The following PLXDC2 variants were observed in gnomAD, a reference collection of about 807,000 sequenced individuals.
PLXDC2 encodes the protein plexin domain-containing protein 2.
In PLXDC2, 40 loss-of-function variants were observed where a neutral mutation model predicts 68.9. The ratio of observed to expected loss-of-function variants is 0.58; its 90% CI spans 0.45 to 0.76. The LOEUF is 0.76. Ranked by LOEUF, PLXDC2 falls within the 30% of genes least tolerant of loss-of-function variation. The probability of loss-of-function intolerance (pLI) is 0.00; values close to 1 mark genes in which losing one functional copy is unlikely to be tolerated. For synonymous variants in PLXDC2, 243 were observed against 234.2 expected (o/e 1.04, Z -0.34); for missense variants, 644 against 661.9 (o/e 0.97, Z 0.30).
chr10:19,898,684 T>A (rs1352421653), intron 1 of PLXDC2, among the ~76,000 whole-genome samples: 1 of 152,212 alleles, frequency 6.6e-6, no homozygotes, highest in Non-Finnish European at 1.5e-5. Flanking sequence ...TCAGTGGAAG[T>A]TGAGACCTGT....
intron 2 of PLXDC2, among the ~76,000 whole-genome samples, chr10:20,019,461 A>G (rs146423426): frequency 1.3e-5 from 2 of 152,318 alleles, no homozygotes; most frequent in East Asian, 3.9e-4. Flanking sequence ...GGTGCTATGA[A>G]CTGAATTTTA....
intron 1 of PLXDC2, among the ~76,000 whole-genome samples, chr10:19,967,966 G>C (rs1242293896): frequency 6.6e-6 from 1 of 152,206 alleles, no homozygotes; most frequent in Non-Finnish European, 1.5e-5. Flanking sequence ...CAAATATTAT[G>C]TGCATTAGCT....
intron 1 of PLXDC2, among the ~76,000 whole-genome samples, chr10:19,970,252 G>C (rs1469363420): frequency 3.9e-5 from 6 of 152,156 alleles, no homozygotes; most frequent in Non-Finnish European, 8.8e-5. Context: ...CTGATTTATT[G>C]TTTGACAAAA....
At chr10:20,132,405 G>T (rs1379050452) in intron 4 of PLXDC2, among the ~76,000 whole-genome samples, 2 of 152,084 alleles carry the variant, frequency 1.3e-5, no homozygotes, top group East Asian at 3.9e-4. Flanking sequence ...CTTATGGATT[G>T]TTTTTGTCTG....
intron 13 of PLXDC2, among the ~76,000 whole-genome samples, chr10:20,252,818 G>A (rs1749776214): frequency 6.6e-6 from 1 of 152,146 alleles, no homozygotes; most frequent in African/African-American, 2.4e-5. Context: ...TGAATGATTA[G>A]TTTTACAAAA....
intron 1 of PLXDC2, among the ~76,000 whole-genome samples, chr10:19,990,327 CA>C (rs1334348935): frequency 1.3e-5 from 2 of 152,180 alleles, no homozygotes; most frequent in East Asian, 3.9e-4. Flanking sequence ...TTATGAAGTT[CA>C]GGTATTTTTC....
intron 1 of PLXDC2, among the ~76,000 whole-genome samples, chr10:19,844,536 A>G (rs1310252747): frequency 6.6e-6 from 1 of 152,132 alleles, no homozygotes; most frequent in Non-Finnish European, 1.5e-5. Flanking sequence ...TTGAGGTCCT[A>G]TAAAAGGTCA....
At chr10:20,019,512 G>C (rs1835268109) in intron 2 of PLXDC2, among the ~76,000 whole-genome samples, 1 of 152,182 alleles carries the variant, frequency 6.6e-6, no homozygotes, top group Non-Finnish European at 1.5e-5. Context: ...CCCCCAGTGT[G>C]ACTGTATATA....
At chr10:20,181,144 ATTGGT>A (rs920845722) in intron 9 of PLXDC2, among the ~76,000 whole-genome samples, 4 of 152,048 alleles carry the variant, frequency 2.6e-5, no homozygotes, top group African/African-American at 9.7e-5. Flanking sequence ...ATATAGCAAA[ATTGGT>A]AACAATAGCA....
chr10:19,824,944 G>T (rs1208430978), intron 1 of PLXDC2, among the ~76,000 whole-genome samples: 4 of 152,152 alleles, frequency 2.6e-5, no homozygotes, highest in Non-Finnish European at 4.4e-5. Flanking sequence ...TTACAGATCT[G>T]AACATGGGGT....
At chr10:20,024,258 A>G (rs1305693727) in intron 2 of PLXDC2, among the ~76,000 whole-genome samples, 2 of 152,238 alleles carry the variant, frequency 1.3e-5, no homozygotes, top group African/African-American at 4.8e-5. Context: ...GGAACCAAAT[A>G]TGTGTTGAAT....
At chr10:20,256,175 G>A (rs892929440) in intron 13 of PLXDC2, among the ~76,000 whole-genome samples, 2 of 150,482 alleles carry the variant, frequency 1.3e-5, no homozygotes, top group South Asian at 2.1e-4. Context: ...CTCTGTTGCC[G>A]AGGCTCGGGT....
At chr10:20,121,040 G>A (rs192648745) in intron 4 of PLXDC2, among the ~76,000 whole-genome samples, 1 of 152,322 alleles carries the variant, frequency 6.6e-6, no homozygotes, top group East Asian at 1.9e-4. Context: ...GGAATAATGT[G>A]GGAGGCCGGA....
chr10:20,047,398 A>G (rs1835815594), intron 3 of PLXDC2, among the ~76,000 whole-genome samples: 1 of 152,112 alleles, frequency 6.6e-6, no homozygotes, highest in African/African-American at 2.4e-5. Flanking sequence ...ACATGGGTTT[A>G]TTGCTGTTGG....
intron 9 of PLXDC2, among the ~76,000 whole-genome samples, chr10:20,183,153 C>T (rs1384460191): frequency 6.6e-6 from 1 of 151,732 alleles, no homozygotes; most frequent in Non-Finnish European, 1.5e-5. Flanking sequence ...GTCTGAGATG[C>T]CTATCAGACT....
At chr10:20,023,320 G>T (rs1347162895) in intron 2 of PLXDC2, among the ~76,000 whole-genome samples, 6 of 151,840 alleles carry the variant, frequency 4.0e-5, no homozygotes, top group African/African-American at 1.2e-4. Flanking sequence ...CTTTATTGTA[G>T]ATCTAAAACA....
intron 2 of PLXDC2, among the ~76,000 whole-genome samples, chr10:20,003,780 A>G (rs1388001094): frequency 6.6e-6 from 1 of 152,132 alleles, no homozygotes; most frequent in African/African-American, 2.4e-5. Flanking sequence ...TTGGCTTTTG[A>G]TGGTTGGTCC....
At chr10:20,054,400 G>A (rs539902106) in intron 3 of PLXDC2, among the ~76,000 whole-genome samples, 38 of 151,924 alleles carry the variant, frequency 2.5e-4, no homozygotes, top group Middle Eastern at 3.4e-3. Flanking sequence ...CGTAAATATG[G>A]ATGGATGGAT....
intron 1 of PLXDC2, among the ~76,000 whole-genome samples, chr10:19,973,296 GTA>G (rs751843912): frequency 0.1 from 7,636 of 76,682 alleles, 258 homozygotes; most frequent in Middle Eastern, 0.19. Context: ...ACATATATAT[GTA>G]TATATATATA....
Sources: gnomAD v4.1 joint callset for allele counts (sites outside exome capture counted in the v4.1 genomes callset) on GRCh38, gnomAD v4.1.1 for gene constraint, MANE v1.5 for transcripts, NCBI Gene and HGNC (gene_info 2026-07-23, HGNC 2026-07-21) for gene names.